The following CACNA2D3 variants were observed in gnomAD, a reference collection of about 807,000 sequenced individuals.
CACNA2D3 encodes the protein calcium voltage-gated channel auxiliary subunit alpha2delta 3.
A neutral mutation model predicts 160.6 loss-of-function variants in CACNA2D3; 60 were observed. That is an observed-to-expected ratio of 0.37 (90% CI 0.30 to 0.46). The LOEUF (loss-of-function observed/expected upper bound fraction) is 0.46. Among genes scored for constraint, CACNA2D3 ranks in the 20% least tolerant of loss-of-function variants. The probability of loss-of-function intolerance (pLI) is 1.00; values close to 1 mark genes in which losing one functional copy is unlikely to be tolerated. For synonymous variants in CACNA2D3, 558 were observed against 492.9 expected (o/e 1.13, Z -1.75); for missense variants, 1,205 against 1,365.0 (o/e 0.88, Z 1.85).
At chr3:54,176,034 A>G (rs1047269527) in intron 2 of CACNA2D3, among the ~76,000 whole-genome samples, 2 of 152,202 alleles carry the variant, frequency 1.3e-5, no homozygotes, top group African/African-American at 2.4e-5. Context: ...CTTCTTTGGT[A>G]TATCCAGACT....
At chr3:54,861,284 G>C (rs1699285843) in intron 17 of CACNA2D3, among the ~76,000 whole-genome samples, 1 of 152,086 alleles carries the variant, frequency 6.6e-6, no homozygotes, top group Non-Finnish European at 1.5e-5. Flanking sequence ...AGCAGAAATT[G>C]ACCACGACCC....
At chr3:54,787,659 CAAAGG>C (rs1181148672) in intron 13 of CACNA2D3, among the ~76,000 whole-genome samples, 2 of 152,058 alleles carry the variant, frequency 1.3e-5, no homozygotes, top group Non-Finnish European at 2.9e-5. Context: ...AGTGACAAGA[CAAAGG>C]AAAGGAGGTT....
intron 17 of CACNA2D3, among the ~76,000 whole-genome samples, chr3:54,849,104 A>G (rs1698998879): frequency 6.6e-6 from 1 of 152,200 alleles, no homozygotes; most frequent in Non-Finnish European, 1.5e-5. Flanking sequence ...GGGATCGTGT[A>G]CATACACCAT....
At chr3:54,738,806 C>T (rs888174821) in intron 11 of CACNA2D3, among the ~76,000 whole-genome samples, 1 of 152,164 alleles carries the variant, frequency 6.6e-6, no homozygotes, top group Non-Finnish European at 1.5e-5. Context: ...GCCTTTTTCT[C>T]CCACTTATTG....
intron 2 of CACNA2D3, among the ~76,000 whole-genome samples, chr3:54,169,372 C>T (rs1337026926): frequency 3.9e-5 from 6 of 151,924 alleles, no homozygotes; most frequent in Non-Finnish European, 4.4e-5. Context: ...TTCTGGGCTC[C>T]GGAGATTGAA....
chr3:54,187,803 T>C (rs895077606), intron 2 of CACNA2D3, among the ~76,000 whole-genome samples: 3 of 152,182 alleles, frequency 2.0e-5, no homozygotes, highest in African/African-American at 7.2e-5. Context: ...GGGCTCATGC[T>C]GCTATGAGAA....
chr3:54,924,282 G>A (rs1334729195), intron 27 of CACNA2D3, among the ~76,000 whole-genome samples: 3 of 152,188 alleles, frequency 2.0e-5, no homozygotes, highest in Non-Finnish European at 4.4e-5. Flanking sequence ...ATAATAAGAG[G>A]TTGGTGTTAT....
At chr3:54,493,117 A>AC (rs1701141831) in intron 4 of CACNA2D3, among the ~76,000 whole-genome samples, 1 of 113,406 alleles carries the variant, frequency 8.8e-6, no homozygotes, top group Non-Finnish European at 1.6e-5. Context: ...AGGCTCTGTC[A>AC]CCCAGGCTGG....
intron 2 of CACNA2D3, among the ~76,000 whole-genome samples, chr3:54,246,724 C>CAAAAAAAAAAAAAAAAAAAAAAAA (rs751213857): frequency 6.8e-6 from 1 of 147,750 alleles, no homozygotes; most frequent in African/African-American, 2.6e-5. Context: ...AACTCCATCT[C>CAAAAAAAAAAAAAAAAAAAAAAAA]AAAAAAACAA....
chr3:54,877,822 T>C (rs1273300852), intron 18 of CACNA2D3, among the ~76,000 whole-genome samples: 2 of 151,984 alleles, frequency 1.3e-5, no homozygotes, highest in Non-Finnish European at 2.9e-5. Flanking sequence ...AGGTCCCAAA[T>C]GGCTTTAGGC....
rs1702577571 is a variant in CACNA2D3 at position 54,984,670 on chromosome 3, G to A, written c.2619G>A (p.Gln873=). ...GFILVSEDYT[Q]TGDFFGEIEG... ...TTTTGGTGTCTGAAGACTACACACA[G>A]GTGAGTGAAAATTTTCTACCAGCTC... Residue 873 remains glutamine (Q), a splice_region_variant and synonymous_variant, in exon 30 of 38, where the codon CAG becomes CAA. Transcript: ENST00000474759. 2.6e-6 allele frequency: 4 copies of A among 1,554,448 alleles called. No individual in the cohort carries two copies. The highest frequency in any genetic ancestry group is 2.6e-6 in the Non-Finnish European group (3 of 1,143,522).
At chr3:54,414,023 TG>T (rs1699715193) in intron 4 of CACNA2D3, among the ~76,000 whole-genome samples, 1 of 151,838 alleles carries the variant, frequency 6.6e-6, no homozygotes, top group African/African-American at 2.4e-5. Context: ...GATTCATCCA[TG>T]TAATGTAAGT....
At chr3:54,739,442 CAAAA>C (rs1225022879) in intron 11 of CACNA2D3, among the ~76,000 whole-genome samples, 1 of 113,392 alleles carries the variant, frequency 8.8e-6, no homozygotes, top group African/African-American at 3.3e-5. Context: ...AAAAAAAAAA[CAAAA>C]AAAAAAACCA....
chr3:54,405,778 G>A (rs1699564272), intron 4 of CACNA2D3, among the ~76,000 whole-genome samples: 1 of 150,562 alleles, frequency 6.6e-6, no homozygotes, highest in South Asian at 2.1e-4. Flanking sequence ...AAAATATTGG[G>A]AAAAATATTC....
At chr3:54,234,457 C>T (rs1007904096) in intron 2 of CACNA2D3, among the ~76,000 whole-genome samples, 1 of 152,124 alleles carries the variant, frequency 6.6e-6, no homozygotes, top group African/African-American at 2.4e-5. Context: ...GGCAATTCCT[C>T]AAAGAGCTAA....
chr3:54,672,553 G>GA (rs1240814613), intron 11 of CACNA2D3, among the ~76,000 whole-genome samples: 2 of 152,198 alleles, frequency 1.3e-5, no homozygotes, highest in African/African-American at 4.8e-5. Flanking sequence ...AACTAAAGAT[G>GA]AAATGGATTT....
intron 34 of CACNA2D3, among the ~76,000 whole-genome samples, chr3:55,010,776 C>A (rs1423150743): frequency 1.3e-5 from 2 of 152,206 alleles, no homozygotes; most frequent in East Asian, 3.8e-4. Flanking sequence ...TCCCTCAACT[C>A]CCTCAGGCAG....
At chr3:54,825,099 T>A (rs1190709279) in intron 14 of CACNA2D3, among the ~76,000 whole-genome samples, 1 of 152,176 alleles carries the variant, frequency 6.6e-6, no homozygotes, top group Admixed American at 6.5e-5. Context: ...ATGACTCTTT[T>A]AAGGTGCTAA....
At chr3:54,238,169 T>G (rs1404413581) in intron 2 of CACNA2D3, among the ~76,000 whole-genome samples, 1 of 152,264 alleles carries the variant, frequency 6.6e-6, no homozygotes, top group Non-Finnish European at 1.5e-5. Flanking sequence ...TACATGTTAT[T>G]AAATTTTTTC....
Sources: allele counts gnomAD v4.1 joint callset (sites outside exome capture counted in the v4.1 genomes callset), GRCh38; gene constraint gnomAD v4.1.1; transcripts MANE v1.5; gene names NCBI Gene and HGNC (gene_info 2026-07-23, HGNC 2026-07-21).